WDFY4: variants seen among roughly 807,000 people sequenced by gnomAD.
WDFY4 encodes WD repeat- and FYVE domain-containing protein 4.
A neutral mutation model predicts 351.9 loss-of-function variants in WDFY4; 169 were observed. That is an observed-to-expected ratio of 0.48 (90% CI 0.42 to 0.55). The LOEUF (loss-of-function observed/expected upper bound fraction) is 0.55, where lower values mean the gene tolerates loss of function less well. Ranked by LOEUF, WDFY4 falls within the 20% of genes least tolerant of loss-of-function variation. The pLI, the probability that WDFY4 is intolerant of heterozygous loss-of-function variation, is 0.00. For missense variants in WDFY4, 3,803 were observed against 3,935.6 expected (o/e 0.97, Z 0.90); for synonymous variants, 1,622 against 1,574.6 (o/e 1.03, Z -0.71).
chr10:48,881,409 C>T (rs1418017588), intron 43 of WDFY4, among the ~76,000 whole-genome samples: 1 of 152,120 alleles, frequency 6.6e-6, no homozygotes, highest in Admixed American at 6.5e-5. Flanking sequence ...TCTGGTTGTC[C>T]TGCCGAGATG....
chr10:48,820,136 G>A, intron 32 of WDFY4, 98 bp from the exon 33 acceptor site: 2 of 1,325,674 alleles, frequency 1.5e-6, no homozygotes, highest in East Asian at 2.5e-5. Context: ...ACATGTCACT[G>A]GGCATGACAA....
At chr10:48,873,748 G>A in intron 41 of WDFY4, 51 bp downstream of exon 41, 2 of 1,530,990 alleles carry the variant, frequency 1.3e-6, no homozygotes, top group South Asian at 2.4e-5. Flanking sequence ...GGGCCTGATA[G>A]GAAAGCAGCT....
rs1181600255 is a variant in WDFY4, at chr10:48,897,445, C to G, written c.7317-9C>G. On this transcript the variant is annotated splice_polypyrimidine_tract_variant and intron_variant, in intron 44 of 61. Coordinates refer to ENST00000325239, the MANE Select transcript of WDFY4 (RefSeq NM_001394531.1). Reference sequence around the variant, plus strand: ...GAACATGTGCCCTGCATGCCTGTTTCCTTTTCAGCATCAGCGATCCGTTCA... The same window carrying G: ...GAACATGTGCCCTGCATGCCTGTTTGCTTTTCAGCATCAGCGATCCGTTCA... The G allele has an allele frequency of 1.9e-6, 3 of 1,550,494 alleles. No individual in the cohort carries two copies. In the African/African-American group the frequency reaches 4.1e-5, roughly 21 times the overall value.
intron 4 of WDFY4, 74 bp downstream of exon 4, chr10:48,721,441 G>C: frequency 1.5e-6 from 2 of 1,364,926 alleles, no homozygotes; most frequent in Non-Finnish European, 2.0e-6. Flanking sequence ...GCACAGGGTG[G>C]TGGCATATCC....
Position 48,982,809 on chromosome 10 carries a change from CTG to C in WDFY4, c.*237_*238del, listed in dbSNP as rs1842862108. ...GGAGGGCTGAGCAGCACGCTGGAAACTGTGACTTGGTGATGCCCAGCTGCACA... is the reference window on the plus strand; with the variant it reads ...GGAGGGCTGAGCAGCACGCTGGAAACTGACTTGGTGATGCCCAGCTGCACA... On this transcript the variant is annotated 3_prime_UTR_variant, in exon 62 of 62. Coordinates refer to ENST00000325239, the MANE Select transcript of WDFY4 (RefSeq NM_001394531.1). 3.4e-6 allele frequency: 2 copies of C among 580,070 alleles called. No individual in the cohort carries two copies. The highest frequency in any genetic ancestry group is 2.2e-5 in the Admixed American group (1 of 45,586). The allele number at this position is 580,070 out of a possible 1,614,324, so 35.9% of individuals were successfully genotyped here. A position where few individuals can be genotyped will look rare whatever the true frequency, so the allele number is the denominator to read the frequency against.
At chr10:48,909,083 T>G (rs1837784605) in intron 47 of WDFY4, among the ~76,000 whole-genome samples, 1 of 152,196 alleles carries the variant, frequency 6.6e-6, no homozygotes, top group South Asian at 2.1e-4. Flanking sequence ...TACATTCAAG[T>G]TGTTGCATGT....
intron 43 of WDFY4, among the ~76,000 whole-genome samples, chr10:48,881,268 A>G (rs974876583): frequency 6.6e-6 from 1 of 152,376 alleles, no homozygotes; most frequent in East Asian, 1.9e-4. Context: ...GCATGGCCCA[A>G]GGGCCGTGTC....
chr10:48,760,719 T>C (rs1052303810), intron 13 of WDFY4, among the ~76,000 whole-genome samples: 71 of 152,144 alleles, frequency 4.7e-4, no homozygotes, highest in Admixed American at 4.6e-3. Flanking sequence ...CTGAAAATAA[T>C]TGAACCATAG....
chr10:48,710,034 A>G lies in WDFY4; in HGVS notation c.234+68A>G, dbSNP rs966049745. The G allele has an allele frequency of 7.2e-6, 10 of 1,385,970 alleles. No individual in the cohort carries two copies. The South Asian group carries it at 1.3e-4, about 18-fold the overall frequency. The allele number at this position is 1,385,970 out of a possible 1,614,324, so 85.9% of individuals were successfully genotyped here. ...TGGGACACTTCTGGGATGATTGCAT[A>G]GTGAAGTTGATGGTTTTAATGTCAT... On this transcript the variant is annotated intron_variant, in intron 2 of 61. Transcript: ENST00000325239.
chr10:48,928,664 T>G (rs1189142030), intron 47 of WDFY4, among the ~76,000 whole-genome samples: 1 of 152,214 alleles, frequency 6.6e-6, no homozygotes, highest in East Asian at 1.9e-4. Context: ...CTTTCTGCAC[T>G]TCACACCCTC....
intron 12 of WDFY4, among the ~76,000 whole-genome samples, chr10:48,758,888 G>A (rs1049794311): frequency 2.0e-5 from 3 of 152,160 alleles, no homozygotes; most frequent in Non-Finnish European, 4.4e-5. Context: ...TCTCAGCATT[G>A]GCATTTGTTG....
At chr10:48,939,594 A>G (rs1252818402) in intron 47 of WDFY4, among the ~76,000 whole-genome samples, 3 of 152,272 alleles carry the variant, frequency 2.0e-5, no homozygotes, top group Non-Finnish European at 4.4e-5. Context: ...ATAATGATGG[A>G]TGATGGATGA....
intron 52 of WDFY4, among the ~76,000 whole-genome samples, chr10:48,959,462 TC>T (rs1439706066): frequency 6.6e-6 from 1 of 152,110 alleles, no homozygotes; most frequent in Non-Finnish European, 1.5e-5. Flanking sequence ...GACACTGAAA[TC>T]ATTTCAGATG....
At chr10:48,981,550 C>A (rs1842806230) in intron 61 of WDFY4, 72 bp downstream of exon 61, 2 of 1,448,166 alleles carry the variant, frequency 1.4e-6, no homozygotes, top group Admixed American at 2.0e-5. Context: ...GCCCCAGTGG[C>A]TCTGAGTCCA....
chr10:48,855,187 G>A (rs1254226146), intron 39 of WDFY4, among the ~76,000 whole-genome samples: 2 of 151,754 alleles, frequency 1.3e-5, no homozygotes, highest in East Asian at 1.9e-4. Flanking sequence ...TAATTTTATT[G>A]GAGGATAATA....
At position 48,731,451 on chromosome 10, in the gene WDFY4, C is replaced by T; in HGVS notation, c.1471C>T (p.Leu491Phe). The change falls in exon 9 of 62, where the codon CTC becomes TTC. Residue 491 changes from leucine to phenylalanine, a missense_variant. This residue lies in a region of WDFY4 where 261 missense variants were observed against 330.2 expected (regional missense o/e 0.79). Transcript: ENST00000325239. Reference sequence around the variant, plus strand: ...CACCCTCATGGCCCTGCAGAGCATCCTCAGCATCGCTGGTGGGGACCCCCT... The same window carrying T: ...CACCCTCATGGCCCTGCAGAGCATCTTCAGCATCGCTGGTGGGGACCCCCT... ...SCTLMALQSI[L>F]SIAGGDPLFT... 6.4e-7 allele frequency: 1 copy of T among 1,551,726 alleles called. No homozygotes were observed. The highest frequency in any genetic ancestry group is 2.4e-5 in the East Asian group (1 of 40,918).
intron 49 of WDFY4, 42 bp from the exon 50 acceptor site, chr10:48,945,998 C>A: frequency 1.5e-6 from 2 of 1,348,166 alleles, no homozygotes; most frequent in Non-Finnish European, 1.0e-6. Context: ...AGGGCACAAG[C>A]GGGTCTGGGG....
At chr10:48,836,545 G>C (rs2068400853) in intron 39 of WDFY4, among the ~76,000 whole-genome samples, 2 of 152,316 alleles carry the variant, frequency 1.3e-5, no homozygotes, top group African/African-American at 4.8e-5. Context: ...CTGATAAATT[G>C]TTCCTTGGAG....
Position 48,837,399 on chromosome 10 carries a change from G to A in WDFY4, c.6663+4690G>A, listed in dbSNP as rs567411659. 2.0e-5 allele frequency among the ~76,000 whole-genome samples: 3 copies of A among 152,242 alleles called. No homozygotes were observed. In the East Asian group the frequency reaches 5.8e-4, roughly 30 times the overall value. On this transcript the variant is annotated intron_variant, in intron 39 of 61. Transcript: ENST00000325239. ...CACTCATGTTTACCTGTAGGTGAGAGGTTAAACAGAGTCATGGCATCTGCT... is the reference window on the plus strand; with the variant it reads ...CACTCATGTTTACCTGTAGGTGAGAAGTTAAACAGAGTCATGGCATCTGCT...
Sources: gnomAD v4.1 joint callset for allele counts (sites outside exome capture counted in the v4.1 genomes callset) on GRCh38, gnomAD v4.1.1 for gene constraint, gnomAD v4.1.1 regional missense constraint, MANE v1.5 for transcripts, NCBI Gene and HGNC (gene_info 2026-07-23, HGNC 2026-07-21) for gene names.